Variants in CSMD3 observed in about 807,000 individuals in gnomAD.
CSMD3 encodes CUB and sushi domain-containing protein 3.
In CSMD3, 177 loss-of-function variants were observed where a neutral mutation model predicts 435.2. That is an observed-to-expected ratio of 0.41 (90% CI 0.36 to 0.46). The LOEUF (loss-of-function observed/expected upper bound fraction) is 0.46. CSMD3 is among the 20% of genes least tolerant of loss of function. The pLI is 0.34. For synonymous variants in CSMD3, 1,656 were observed against 1,520.5 expected, an observed-to-expected ratio of 1.09 and a Z score of -2.07; for missense variants, 4,265 against 4,504.6, an observed-to-expected ratio of 0.95 and a Z score of 1.52.
chr8:113,216,777 C>T (rs1324906525), intron 3 of CSMD3, among the ~76,000 whole-genome samples: 1 of 151,936 alleles, frequency 6.6e-6, no homozygotes, highest in African/African-American at 2.4e-5. Flanking sequence ...AAGCTTTAGA[C>T]TGAAATGTGG....
chr8:112,476,909 A>G (rs2130778489), intron 31 of CSMD3, among the ~76,000 whole-genome samples: 1 of 152,286 alleles, frequency 6.6e-6, no homozygotes, highest in East Asian at 1.9e-4. Context: ...AGCTCCACTC[A>G]TCACCACAAG....
At position 112,336,843 on chromosome 8, in the gene CSMD3, C is replaced by T; in HGVS notation, c.6842-14G>A. 1 of 1,604,740 alleles carries T rather than the reference C, an allele frequency of 6.2e-7. No individual in the cohort carries two copies. Among genetic ancestry groups the T allele is most frequent in the Non-Finnish European group, 8.5e-7 (1 of 1,172,012 alleles). ...CACCACAAAGAGCTACGGAAAAAGTCACAAAACAAAATAATATTTTAAAAT... is the reference window on the plus strand; with the variant it reads ...CACCACAAAGAGCTACGGAAAAAGTTACAAAACAAAATAATATTTTAAAAT... On this transcript the variant is annotated splice_polypyrimidine_tract_variant and intron_variant, in intron 43 of 70. Coordinates refer to ENST00000297405, the MANE Select transcript of CSMD3 (RefSeq NM_198123.2).
In CSMD3 at chr8:113,257,385, T is replaced by C. The variant is rs1056859803; in HGVS notation, c.514+21207A>G. 1.2e-4 allele frequency among the ~76,000 whole-genome samples: 18 copies of C among 152,238 alleles called. No homozygotes were observed. The East Asian group carries it at 3.5e-3, about 30-fold the overall frequency. ...AAGATGGCACCACTGCACTCCAGCC[T>C]GGGCAACAGGGCAAGACTCTGTCTC... On this transcript the variant is annotated intron_variant, in intron 3 of 70. Coordinates refer to ENST00000297405, the MANE Select transcript of CSMD3 (RefSeq NM_198123.2).
At chr8:113,399,475 A>G (rs1029727862) in intron 1 of CSMD3, among the ~76,000 whole-genome samples, 3 of 151,986 alleles carry the variant, frequency 2.0e-5, no homozygotes, top group Non-Finnish European at 4.4e-5. Context: ...AGAAGATCCC[A>G]AAGTACTGAT....
At chr8:113,388,576 C>G (rs2133139604) in intron 1 of CSMD3, among the ~76,000 whole-genome samples, 1 of 151,600 alleles carries the variant, frequency 6.6e-6, no homozygotes, top group East Asian at 1.9e-4. Context: ...CAACGTCTGG[C>G]ACTTAGTTGG....
rs1313953759 is a variant in CSMD3 at position 112,579,908 on chromosome 8, CAT to C, written c.3886-6253_3886-6252del. Reference sequence around the variant, plus strand: ...TTACTGGCTTTTCTCCATAATCATCCATAGTCTACATTTTGCATAAGAAATAA... The same window carrying C: ...TTACTGGCTTTTCTCCATAATCATCCAGTCTACATTTTGCATAAGAAATAA... On this transcript the variant is annotated intron_variant, in intron 23 of 70. Coordinates refer to ENST00000297405, the MANE Select transcript of CSMD3 (RefSeq NM_198123.2). 5.3e-5 allele frequency among the ~76,000 whole-genome samples: 8 copies of C among 152,086 alleles called. No homozygotes were observed. In the East Asian group the frequency reaches 1.5e-3, roughly 29 times the overall value.
rs191248646 is a variant in CSMD3, at chr8:112,858,230, G to A, written c.1755+915C>T. ...TCTTATTAGCTTTACTAACAACTGTGTTTGCATTATCTTGCTTATTTCTTA... is the reference window on the plus strand; with the variant it reads ...TCTTATTAGCTTTACTAACAACTGTATTTGCATTATCTTGCTTATTTCTTA... On this transcript the variant is annotated intron_variant, in intron 11 of 70. Transcript: ENST00000297405. 4.6e-5 allele frequency among the ~76,000 whole-genome samples: 7 copies of A among 151,700 alleles called. No homozygotes were observed. In the East Asian group the frequency reaches 1.4e-3, roughly 29 times the overall value.
intron 14 of CSMD3, among the ~76,000 whole-genome samples, chr8:112,687,147 T>C (rs962462949): frequency 3.9e-5 from 6 of 152,042 alleles, no homozygotes; most frequent in African/African-American, 4.8e-5. Context: ...GATTTAAAGT[T>C]ATTTTGACGT....
intron 1 of CSMD3, chr8:113,376,724 G>C (rs766558217): frequency 1.9e-6 from 3 of 1,613,864 alleles, no homozygotes; most frequent in Non-Finnish European, 2.5e-6. Flanking sequence ...GAGCCTAAGA[G>C]CCAGGATATC....
At chr8:113,351,610 A>T (rs2132915274) in intron 1 of CSMD3, among the ~76,000 whole-genome samples, 1 of 152,260 alleles carries the variant, frequency 6.6e-6, no homozygotes, top group South Asian at 2.1e-4. Flanking sequence ...CTGAAATTGA[A>T]TGTATTCACT....
intron 2 of CSMD3, among the ~76,000 whole-genome samples, chr8:113,293,574 C>CAGA (rs2093700324): frequency 6.6e-6 from 1 of 152,072 alleles, no homozygotes; most frequent in Non-Finnish European, 1.5e-5. Flanking sequence ...ATGGCACACA[C>CAGA]AGAAATCAGT....
intron 3 of CSMD3, among the ~76,000 whole-genome samples, chr8:113,255,017 A>G (rs2132321439): frequency 6.6e-6 from 1 of 152,306 alleles, no homozygotes; most frequent in East Asian, 1.9e-4. Context: ...AGCAAGTAAA[A>G]GAATGGAGGA....
rs575625811 is a variant in CSMD3, at chr8:113,224,958, T to C, written c.515-51042A>G. On this transcript the variant is annotated intron_variant, in intron 3 of 70. Transcript: ENST00000297405. ...AAAAATTTAGCTTGAAAGGTAAAATTTTCTATCTCAGCAATTTAGAGCTAA... is the reference window on the plus strand; with the variant it reads ...AAAAATTTAGCTTGAAAGGTAAAATCTTCTATCTCAGCAATTTAGAGCTAA... Among the ~76,000 whole-genome samples the C allele has an allele frequency of 4.6e-5, 7 of 151,532 alleles. No individual in the cohort carries two copies. In the East Asian group the frequency reaches 1.4e-3, roughly 30 times the overall value.
chr8:112,787,593 G>C (rs1016022493), intron 13 of CSMD3, among the ~76,000 whole-genome samples: 1 of 152,140 alleles, frequency 6.6e-6, no homozygotes, highest in Admixed American at 6.6e-5. Context: ...ACACAATGGA[G>C]TATTATTCAG....
In CSMD3 at chr8:112,624,205, T is replaced by C. The variant is rs540371682; in HGVS notation, c.3715+12612A>G. On this transcript the variant is annotated intron_variant, in intron 22 of 70. Transcript: ENST00000297405. Reference sequence around the variant, plus strand: ...ATTTACATTTTATGTAGAATGCTTATAACTAGAAAGAAAGGTTTCTTAAAA... The same window carrying C: ...ATTTACATTTTATGTAGAATGCTTACAACTAGAAAGAAAGGTTTCTTAAAA... 4.6e-5 allele frequency among the ~76,000 whole-genome samples: 7 copies of C among 152,246 alleles called. No individual in the cohort carries two copies. The East Asian group carries it at 1.3e-3, about 29-fold the overall frequency.
intron 18 of CSMD3, 79 bp from the exon 19 acceptor site, chr8:112,650,428 A>T: frequency 9.0e-7 from 1 of 1,107,306 alleles, no homozygotes; most frequent in South Asian, 1.3e-5. Context: ...AGTTCTTCAA[A>T]CAATTACAAG....
intron 24 of CSMD3, among the ~76,000 whole-genome samples, chr8:112,559,470 TAGA>T (rs2091048644): frequency 1.3e-5 from 2 of 151,922 alleles, no homozygotes; most frequent in African/African-American, 4.8e-5. Flanking sequence ...GCCACTTCTG[TAGA>T]AGATTTTTTC....
chr8:112,503,742 A>G (rs573345944), intron 30 of CSMD3, 48 bp downstream of exon 30: 11 of 1,373,742 alleles, frequency 8.0e-6, no homozygotes, highest in East Asian at 7.0e-5. Flanking sequence ...CCTGTATAAA[A>G]TATCTATAAT....
chr8:113,199,967 A>G (rs1209598700), intron 3 of CSMD3, among the ~76,000 whole-genome samples: 1 of 151,832 alleles, frequency 6.6e-6, no homozygotes, highest in East Asian at 1.9e-4. Context: ...TTATGCTGAT[A>G]ACTCTCACAA....
Sources: allele counts gnomAD v4.1 joint callset (sites outside exome capture counted in the v4.1 genomes callset), GRCh38; gene constraint gnomAD v4.1.1; transcripts MANE v1.5; gene names NCBI Gene and HGNC (gene_info 2026-07-23, HGNC 2026-07-21).